Variants in SGCD observed in about 807,000 individuals in gnomAD.
SGCD encodes delta-sarcoglycan.
A neutral mutation model predicts 36.6 loss-of-function variants in SGCD; 18 were observed. That is an observed-to-expected ratio of 0.49 (90% confidence interval 0.34 to 0.73). The LOEUF is 0.73. Ranked by LOEUF, SGCD falls within the 30% of genes least tolerant of loss-of-function variation. SGCD has a pLI of 0.01. For missense variants in SGCD, 387 were observed against 346.7 expected (o/e 1.12, Z -0.92); for synonymous variants, 133 against 130.6 (o/e 1.02, Z -0.12).
chr5:156,069,804 G>C (rs1048356701), intron 1 of SGCD, among the ~76,000 whole-genome samples: 5 of 151,678 alleles, frequency 3.3e-5, no homozygotes, highest in South Asian at 2.1e-4. Context: ...CTTTTATTTT[G>C]TTGAGCAGTG....
intron 1 of SGCD, among the ~76,000 whole-genome samples, chr5:156,032,702 G>A (rs112468444): frequency 0.088 from 4,812 of 54,538 alleles, 449 homozygotes; most frequent in African/African-American, 0.37. Context: ...GCAAGACTCC[G>A]TCTCAAAAAA....
chr5:156,604,462 T>G (rs1232933359), intron 6 of SGCD, among the ~76,000 whole-genome samples: 3 of 151,976 alleles, frequency 2.0e-5, no homozygotes, highest in African/African-American at 7.2e-5. Flanking sequence ...TCTGTGGTGC[T>G]AAGATTTGTT....
chr5:156,273,351 A>G (rs1376484671), intron 3 of SGCD, among the ~76,000 whole-genome samples: 1 of 152,188 alleles, frequency 6.6e-6, no homozygotes. Context: ...GCTGAGTTGA[A>G]CTCATTTTTC....
intron 3 of SGCD, among the ~76,000 whole-genome samples, chr5:156,446,243 T>TA (rs1753752226): frequency 6.6e-6 from 1 of 152,138 alleles, no homozygotes; most frequent in South Asian, 2.1e-4. Context: ...AAGATAAGTG[T>TA]CCCCTATAGA....
At chr5:156,261,284 A>G (rs190721609) in intron 3 of SGCD, among the ~76,000 whole-genome samples, 53 of 152,272 alleles carry the variant, frequency 3.5e-4, no homozygotes, top group Non-Finnish European at 2.9e-5. Flanking sequence ...AGGATACCCT[A>G]TTTTTAAGAA....
At chr5:156,070,774 G>T (rs1015985305) in intron 1 of SGCD, among the ~76,000 whole-genome samples, 3 of 152,046 alleles carry the variant, frequency 2.0e-5, no homozygotes, top group African/African-American at 7.3e-5. Flanking sequence ...ACTCTTTTTG[G>T]TTGGTAAGCT....
chr5:156,112,979 T>A (rs1761823707), intron 1 of SGCD, among the ~76,000 whole-genome samples: 1 of 152,242 alleles, frequency 6.6e-6, no homozygotes. Context: ...TTATTTCCAA[T>A]GCAATGGTTT....
At chr5:156,373,569 T>G (rs1259395015) in intron 3 of SGCD, among the ~76,000 whole-genome samples, 2 of 152,152 alleles carry the variant, frequency 1.3e-5, no homozygotes, top group African/African-American at 4.8e-5. Flanking sequence ...CCAGAAGAAA[T>G]TAGGCCTAAT....
At chr5:156,239,745 C>T (rs1328384573) in intron 3 of SGCD, among the ~76,000 whole-genome samples, 1 of 152,118 alleles carries the variant, frequency 6.6e-6, no homozygotes, top group Non-Finnish European at 1.5e-5. Context: ...TTCTCTAAAC[C>T]TCAGTTTTCT....
chr5:156,533,153 C>T (rs1757958732), intron 4 of SGCD, among the ~76,000 whole-genome samples: 1 of 152,178 alleles, frequency 6.6e-6, no homozygotes, highest in Non-Finnish European at 1.5e-5. Context: ...CCTTTCTCTA[C>T]CCATTGTGGT....
intron 3 of SGCD, among the ~76,000 whole-genome samples, chr5:156,386,433 G>A (rs1771281745): frequency 6.6e-6 from 1 of 152,234 alleles, no homozygotes; most frequent in African/African-American, 2.4e-5. Flanking sequence ...ATGTGGCCAA[G>A]GGTTATAATC....
intron 3 of SGCD, among the ~76,000 whole-genome samples, chr5:156,274,903 T>A (rs1561595813): frequency 6.6e-6 from 1 of 152,098 alleles, no homozygotes; most frequent in African/African-American, 2.4e-5. Flanking sequence ...ACCTATAGCA[T>A]GAGAGCGGGT....
At chr5:155,823,062 A>ATATCTATC in the SGCD span, among the ~76,000 whole-genome samples, 16,192 of 145,152 alleles carry the variant, frequency 0.11, 1,011 homozygotes, top group Admixed American at 0.18. Context: ...CTATATCTCT[A>ATATCTATC]TATCTATCTA....
intron 3 of SGCD, among the ~76,000 whole-genome samples, chr5:156,132,184 GT>G (rs1762340351): frequency 6.6e-6 from 1 of 152,064 alleles, no homozygotes; most frequent in Admixed American, 6.6e-5. Context: ...GGGGAGATGG[GT>G]GACTTGGAAG....
intron 3 of SGCD, among the ~76,000 whole-genome samples, chr5:156,353,039 G>A (rs1308527687): frequency 1.3e-5 from 2 of 152,208 alleles, no homozygotes; most frequent in Admixed American, 6.5e-5. Context: ...TCTAATGCTT[G>A]TAAATTGGAC....
At chr5:155,748,369 C>G in the SGCD span, among the ~76,000 whole-genome samples, 1 of 151,990 alleles carries the variant, frequency 6.6e-6, no homozygotes. Flanking sequence ...ATATAATATC[C>G]TGATCAATTC....
intron 4 of SGCD, among the ~76,000 whole-genome samples, chr5:156,509,311 G>A (rs921421000): frequency 6.6e-6 from 1 of 152,130 alleles, no homozygotes; most frequent in African/African-American, 2.4e-5. Context: ...TGTAATCTTA[G>A]CTACTAGGGA....
chr5:156,488,832 T>A (rs754649618), intron 3 of SGCD, among the ~76,000 whole-genome samples: 21 of 152,112 alleles, frequency 1.4e-4, no homozygotes, highest in Non-Finnish European at 2.9e-4. Flanking sequence ...ACAAAGTGTA[T>A]CCAAAGCCAG....
the SGCD span, among the ~76,000 whole-genome samples, chr5:155,737,059 A>G: frequency 1.3e-5 from 2 of 152,220 alleles, no homozygotes; most frequent in African/African-American, 4.8e-5. Context: ...GTTAACTTGC[A>G]CCTGATCCTC....
Sources: gnomAD v4.1 joint callset for allele counts (sites outside exome capture counted in the v4.1 genomes callset) on GRCh38, gnomAD v4.1.1 for gene constraint, MANE v1.5 for transcripts, NCBI Gene and HGNC (gene_info 2026-07-23, HGNC 2026-07-21) for gene names.